RYR3: variants seen among roughly 807,000 people sequenced by gnomAD.
RYR3 encodes ryanodine receptor 3.
RYR3 carries 207 observed loss-of-function variants against 584.3 expected under a neutral mutation model. The observed-to-expected ratio is 0.35, with a 90% confidence interval of 0.32 to 0.40. The LOEUF (loss-of-function observed/expected upper bound fraction) is 0.40, where lower values mean the gene tolerates loss of function less well. Among genes scored for constraint, RYR3 ranks in the 10% least tolerant of loss-of-function variants. The pLI, the probability that RYR3 is intolerant of heterozygous loss-of-function variation, is 1.00. For missense variants in RYR3, 5,616 were observed against 6,089.2 expected (o/e 0.92, Z 2.59); for synonymous variants, 2,416 against 2,248.5 (o/e 1.07, Z -2.11).
At chr15:33,433,549 A>G (rs112506204) in intron 1 of RYR3, among the ~76,000 whole-genome samples, 3 of 152,350 alleles carry the variant, frequency 2.0e-5, no homozygotes, top group African/African-American at 7.2e-5. Context: ...AAATAAATGC[A>G]GTCGTAGGAG....
At chr15:33,645,950 T>C (rs996187761) in intron 28 of RYR3, among the ~76,000 whole-genome samples, 1 of 152,158 alleles carries the variant, frequency 6.6e-6, no homozygotes, top group Admixed American at 6.5e-5. Flanking sequence ...CTTTTTCCCC[T>C]TCCCTTAGAT....
chr15:33,704,525 G>A (rs1449792443), intron 42 of RYR3, among the ~76,000 whole-genome samples: 3 of 152,192 alleles, frequency 2.0e-5, no homozygotes, highest in Admixed American at 6.5e-5. Context: ...TTCCATAAAT[G>A]CTGTGTCTAT....
chr15:33,604,484 T>C (rs1339041726), intron 18 of RYR3, among the ~76,000 whole-genome samples: 2 of 152,214 alleles, frequency 1.3e-5, no homozygotes, highest in African/African-American at 4.8e-5. Context: ...TTCAACACTT[T>C]AAAACTTTTA....
chr15:33,429,554 T>C (rs1240046454), intron 1 of RYR3, among the ~76,000 whole-genome samples: 1 of 152,216 alleles, frequency 6.6e-6, no homozygotes, highest in Non-Finnish European at 1.5e-5. Context: ...AAACATGCCA[T>C]TGCTGTCTCT....
chr15:33,442,688 G>T (rs1055924980), intron 1 of RYR3, among the ~76,000 whole-genome samples: 2 of 152,162 alleles, frequency 1.3e-5, no homozygotes, highest in African/African-American at 4.8e-5. Context: ...AGCCAAACAG[G>T]CTTTAGACAG....
chr15:33,810,058 T>G lies in RYR3; in HGVS notation c.10027-421T>G, dbSNP rs568885689. 3.9e-5 allele frequency among the ~76,000 whole-genome samples: 6 copies of G among 152,336 alleles called. No individual in the cohort carries two copies. In the East Asian group the frequency reaches 7.7e-4, roughly 20 times the overall value. ...TGTTCCAAAACACCAGCTTCAGCTT[T>G]GAAAACACAGAGCAATTATTCTGTG... On this transcript the variant is annotated intron_variant, in intron 70 of 103. Coordinates refer to ENST00000634891, the MANE Select transcript of RYR3 (RefSeq NM_001036.6).
intron 99 of RYR3, among the ~76,000 whole-genome samples, chr15:33,859,368 G>T (rs967499191): frequency 3.3e-5 from 5 of 152,126 alleles, no homozygotes; most frequent in Non-Finnish European, 7.4e-5. Context: ...TAAATGTAAC[G>T]ACAGTCTTTC....
intron 2 of RYR3, among the ~76,000 whole-genome samples, chr15:33,492,480 C>T (rs1167531406): frequency 6.6e-6 from 1 of 151,192 alleles, no homozygotes; most frequent in Admixed American, 6.6e-5. Flanking sequence ...AAAAAAATGC[C>T]ATGTAGGAGC....
chr15:33,779,421 C>A (rs1179958586), intron 64 of RYR3, among the ~76,000 whole-genome samples: 1 of 152,070 alleles, frequency 6.6e-6, no homozygotes, highest in Non-Finnish European at 1.5e-5. Context: ...TGAGGTCTCT[C>A]CTGTAAATCA....
chr15:33,363,656 A>G (rs757182938), intron 1 of RYR3, among the ~76,000 whole-genome samples: 4 of 152,158 alleles, frequency 2.6e-5, no homozygotes, highest in African/African-American at 7.2e-5. Flanking sequence ...CTTTTTGTCA[A>G]TTTGCAGGTT....
intron 32 of RYR3, among the ~76,000 whole-genome samples, chr15:33,653,395 G>A (rs374424930): frequency 6.6e-6 from 1 of 152,324 alleles, no homozygotes; most frequent in African/African-American, 2.4e-5. Flanking sequence ...TTATAGGCCA[G>A]GCGCAGTGGC....
intron 81 of RYR3, among the ~76,000 whole-genome samples, chr15:33,824,008 C>T (rs2077245278): frequency 6.6e-6 from 1 of 152,030 alleles, no homozygotes; most frequent in Non-Finnish European, 1.5e-5. Context: ...TTAGTCTCAG[C>T]TCTGTGGGGC....
chr15:33,456,779 A>G (rs1330457378), intron 1 of RYR3, among the ~76,000 whole-genome samples: 1 of 152,208 alleles, frequency 6.6e-6, no homozygotes, highest in African/African-American at 2.4e-5. Flanking sequence ...CAGTGGCTCA[A>G]TGCTGAATCA....
intron 57 of RYR3, among the ~76,000 whole-genome samples, chr15:33,751,170 TTG>T (rs1361232635): frequency 6.6e-6 from 1 of 152,240 alleles, no homozygotes; most frequent in Admixed American, 6.5e-5. Context: ...GTCTTTGCTA[TTG>T]TGAACAGTGC....
rs1353581080 is a variant in RYR3 at position 33,543,663 on chromosome 15, C to G, written c.688C>G (p.His230Asp). The G allele has an allele frequency of 1.9e-6, 3 of 1,612,818 alleles. No homozygotes were observed. The highest frequency in any genetic ancestry group is 2.5e-6 in the Non-Finnish European group (3 of 1,178,966). ...GCATGTAGTACGTCTTTTCCATGGT[C>G]ATGATGAATGTTTGACGATACCATC... Reference protein sequence around the residue: ...GGHVVRLFHGHDECLTIPSTD... With the variant: ...GGHVVRLFHGDDECLTIPSTD... Residue 230 changes from histidine (H) to aspartate (D), a missense_variant, in exon 8 of 104, where the codon CAT (histidine) becomes GAT (aspartate). Coordinates refer to ENST00000634891, the MANE Select transcript of RYR3 (RefSeq NM_001036.6).
chr15:33,354,950 G>A (rs933549621), intron 1 of RYR3, among the ~76,000 whole-genome samples: 2 of 152,114 alleles, frequency 1.3e-5, no homozygotes, highest in Non-Finnish European at 2.9e-5. Context: ...TTGGGAGGCC[G>A]AGGCGGGCAG....
At chr15:33,633,356 C>T (rs2061355435) in intron 24 of RYR3, among the ~76,000 whole-genome samples, 1 of 152,206 alleles carries the variant, frequency 6.6e-6, no homozygotes, top group Admixed American at 6.5e-5. Flanking sequence ...GGAGGGGAAG[C>T]TAGCCCAGCA....
At chr15:33,632,741 G>A (rs1189007148) in intron 23 of RYR3, among the ~76,000 whole-genome samples, 2 of 152,114 alleles carry the variant, frequency 1.3e-5, no homozygotes, top group African/African-American at 2.4e-5. Context: ...TTTGAAATAC[G>A]TTACATATGT....
intron 1 of RYR3, among the ~76,000 whole-genome samples, chr15:33,422,210 T>G (rs2044288356): frequency 6.6e-6 from 1 of 152,138 alleles, no homozygotes; most frequent in Non-Finnish European, 1.5e-5. Context: ...TTGTTTTTGT[T>G]TTATTACTTG....
Sources: allele counts gnomAD v4.1 joint callset (sites outside exome capture counted in the v4.1 genomes callset), GRCh38; gene constraint gnomAD v4.1.1; transcripts MANE v1.5; gene names NCBI Gene and HGNC (gene_info 2026-07-23, HGNC 2026-07-21).